Variants in ITPR2 observed in about 807,000 individuals in gnomAD.
ITPR2 encodes inositol 1,4,5-trisphosphate receptor type 2.
ITPR2 carries 207 observed loss-of-function variants against 317.1 expected under a neutral mutation model. The ratio of observed to expected loss-of-function variants is 0.65; its 90% confidence interval spans 0.58 to 0.73. The LOEUF is 0.73. ITPR2 is among the 30% of genes least tolerant of loss of function. The pLI, the probability that ITPR2 is intolerant of heterozygous loss-of-function variation, is 0.00. For synonymous variants in ITPR2, 1,156 were observed against 1,149.1 expected (o/e 1.01, Z -0.12); for missense variants, 2,613 against 3,284.0 (o/e 0.80, Z 4.99).
chr12:26,351,098 T>C (rs1938468457), intron 55 of ITPR2, among the ~76,000 whole-genome samples: 1 of 152,158 alleles, frequency 6.6e-6, no homozygotes, highest in Non-Finnish European at 1.5e-5. Context: ...ACCGGGAACA[T>C]GAAGAAGCAG....
rs371144760 is a variant in ITPR2, at chr12:26,391,618, G to A, written c.7697-4024C>T. 1.3e-3 allele frequency among the ~76,000 whole-genome samples: 168 copies of A among 133,534 alleles called. 2 individuals carry two copies. In the South Asian group the frequency reaches 0.038, roughly 30 times the overall value. 87.6% of individuals were successfully genotyped at this position (133,534 alleles called of 152,430 possible). ...CTTGCTCTGTCACCCAGGCTGGAGC[G>A]CAGTGGTGCGATCTCAGCTCACTGC... On this transcript the variant is annotated intron_variant, in intron 54 of 56. Transcript: ENST00000381340.
At chr12:26,466,624 C>T (rs1256382540) in intron 45 of ITPR2, among the ~76,000 whole-genome samples, 1 of 152,148 alleles carries the variant, frequency 6.6e-6, no homozygotes. Context: ...AGAGCTATCA[C>T]AGTCCAACTA....
In ITPR2 at chr12:26,487,207, T is replaced by C; in HGVS notation, c.5415A>G (p.Lys1805=). 6.2e-7 allele frequency: 1 copy of C among 1,604,446 alleles called. No individual in the cohort carries two copies. Among genetic ancestry groups the C allele is most frequent in the Non-Finnish European group, 8.5e-7 (1 of 1,177,626 alleles). ...QQLHEQKKSE[K]FFKVLYDRMK... is the part of the protein sequence containing the mutation. Reference sequence around the variant, plus strand: ...TTCGATCATAGAGAACTTTAAAGAATTTTTCTGACTTTTTTTGTTCATGCA... The same window carrying C: ...TTCGATCATAGAGAACTTTAAAGAACTTTTCTGACTTTTTTTGTTCATGCA... Residue 1805 remains lysine (K), a synonymous_variant, in exon 40 of 57, where the codon AAA becomes AAG. Transcript: ENST00000381340.
intron 21 of ITPR2, among the ~76,000 whole-genome samples, chr12:26,632,432 G>A (rs1025322343): frequency 6.6e-6 from 1 of 152,152 alleles, no homozygotes; most frequent in Admixed American, 6.5e-5. Flanking sequence ...TAATCGCCAA[G>A]ATAAAGTGAG....
At position 26,656,604 on chromosome 12, in the gene ITPR2, G is replaced by T. The variant is rs2306550; in HGVS notation, c.2193-56C>A. 72 of 1,562,092 alleles carry T rather than the reference G, an allele frequency of 4.6e-5. No individual in the cohort carries two copies. The South Asian group carries it at 8.0e-4, about 17-fold the overall frequency. ...TCTTATCTCAAGGAAATCTTTAAAC[G>T]TCATAGTACCAATCAGTATCTATGT... On this transcript the variant is annotated intron_variant, in intron 18 of 56. Transcript: ENST00000381340.
At chr12:26,347,575 C>T (rs1938347947) in intron 55 of ITPR2, among the ~76,000 whole-genome samples, 1 of 152,208 alleles carries the variant, frequency 6.6e-6, no homozygotes, top group African/African-American at 2.4e-5. Context: ...CTTTGACCTC[C>T]ACCCTGTTTG....
intron 13 of ITPR2, among the ~76,000 whole-genome samples, chr12:26,672,928 G>A (rs1238505495): frequency 3.9e-4 from 59 of 152,282 alleles, no homozygotes; most frequent in African/African-American, 1.3e-3. Flanking sequence ...ACACCTCTAT[G>A]CAAATAAACT....
chr12:26,768,460 AAAAT>A (rs1949771055), intron 2 of ITPR2, among the ~76,000 whole-genome samples: 1 of 139,190 alleles, frequency 7.2e-6, no homozygotes, highest in African/African-American at 2.6e-5. Context: ...AAAAAATAAA[AAAAT>A]AAAAATTTTG....
At position 26,503,190 on chromosome 12, in the gene ITPR2, A is replaced by AACACACACACACACACACACAC. The variant is rs57271500; in HGVS notation, c.5074-7952_5074-7931dup. Reference sequence around the variant, plus strand: ...GGTAGAAGACCCACTGCCCCCCACCAACACACACACACACACACACACACA... The same window carrying AACACACACACACACACACACAC: ...GGTAGAAGACCCACTGCCCCCCACCAACACACACACACACACACACACACACACACACACACACACACACACA... On this transcript the variant is annotated intron_variant, in intron 37 of 56. Coordinates refer to ENST00000381340, the MANE Select transcript of ITPR2 (RefSeq NM_002223.4). Among the ~76,000 whole-genome samples the AACACACACACACACACACACAC allele has an allele frequency of 6.6e-3, 915 of 139,188 alleles. 6 individuals are homozygous for AACACACACACACACACACACAC. The highest frequency in any genetic ancestry group is 9.8e-3 in the Non-Finnish European group (631 of 64,694). 91.3% of individuals were successfully genotyped at this position (139,188 alleles called of 152,430 possible). A position where few individuals can be genotyped will look rare whatever the true frequency, so the allele number is the denominator to read the frequency against.
chr12:26,712,323 C>T (rs1040511295), intron 8 of ITPR2, among the ~76,000 whole-genome samples: 7 of 152,164 alleles, frequency 4.6e-5, no homozygotes, highest in Non-Finnish European at 8.8e-5. Flanking sequence ...GCTGCAACCA[C>T]GAATTCTGTG....
intron 52 of ITPR2, among the ~76,000 whole-genome samples, chr12:26,408,683 C>CTTGTT (rs1166910182): frequency 2.0e-5 from 3 of 152,110 alleles, no homozygotes; most frequent in Non-Finnish European, 4.4e-5. Flanking sequence ...TACTCTGGAA[C>CTTGTT]AACAAGTACT....
chr12:26,588,963 T>C (rs990190999), intron 32 of ITPR2, among the ~76,000 whole-genome samples: 3 of 152,182 alleles, frequency 2.0e-5, no homozygotes, highest in African/African-American at 7.2e-5. Flanking sequence ...ACATTGACCA[T>C]AGTCTACCCT....
chr12:26,784,319 GCCTCTCCCTCTCCCTCTC>G (rs1190707647), intron 2 of ITPR2, among the ~76,000 whole-genome samples: 7 of 31,704 alleles, frequency 2.2e-4, no homozygotes, highest in South Asian at 3.1e-3. Flanking sequence ...CTCTCCCTCT[GCCTCTCCCTCTCCCTCTC>G]CCTCTCCCTC....
intron 1 of ITPR2, among the ~76,000 whole-genome samples, chr12:26,816,707 G>T (rs2137280654): frequency 6.6e-6 from 1 of 152,262 alleles, no homozygotes; most frequent in Non-Finnish European, 1.5e-5. Context: ...TGAAGGAAAA[G>T]AATATGGTGC....
chr12:26,561,091 A>C (rs1944805530), intron 35 of ITPR2, among the ~76,000 whole-genome samples: 1 of 152,304 alleles, frequency 6.6e-6, no homozygotes, highest in African/African-American at 2.4e-5. Flanking sequence ...GCCCTAATCC[A>C]ACATAACTGG....
intron 55 of ITPR2, among the ~76,000 whole-genome samples, chr12:26,383,630 C>A (rs906322390): frequency 6.6e-6 from 1 of 151,042 alleles, no homozygotes; most frequent in Non-Finnish European, 1.5e-5. Flanking sequence ...ACTACATGTG[C>A]CCACCACCAC....
chr12:26,692,491 G>A (rs370392665), intron 10 of ITPR2, among the ~76,000 whole-genome samples: 4 of 152,122 alleles, frequency 2.6e-5, no homozygotes, highest in African/African-American at 9.7e-5. Context: ...GATGGGTAGC[G>A]TTAATTCCAA....
Position 26,573,846 on chromosome 12 carries a change from T to A in ITPR2, c.4630+4867A>T, listed in dbSNP as rs143156346. 2.2e-3 allele frequency among the ~76,000 whole-genome samples: 338 copies of A among 152,296 alleles called. 4 individuals are homozygous for A. The highest frequency in any genetic ancestry group is 7.2e-3 in the African/African-American group (299 of 41,572). On this transcript the variant is annotated intron_variant, in intron 34 of 56. Coordinates refer to ENST00000381340, the MANE Select transcript of ITPR2 (RefSeq NM_002223.4). ...CAGCTCAGATGAGGAAGGGCTTTTG[T>A]AAGTGCAGTGGGGAGTTGTCAGTGG...
intron 1 of ITPR2, among the ~76,000 whole-genome samples, chr12:26,804,863 C>A (rs1044867580): frequency 6.6e-6 from 1 of 152,086 alleles, no homozygotes; most frequent in Non-Finnish European, 1.5e-5. Context: ...GCCTCCCTAT[C>A]AGTTGAGACT....
Sources: gnomAD v4.1 joint callset for allele counts (sites outside exome capture counted in the v4.1 genomes callset) on GRCh38, gnomAD v4.1.1 for gene constraint, MANE v1.5 for transcripts, NCBI Gene and HGNC (gene_info 2026-07-23, HGNC 2026-07-21) for gene names.